Variants in CLDN20 observed in about 807,000 individuals in gnomAD.
CLDN20 encodes claudin-20.
For synonymous variants in CLDN20, 104 were observed against 103.6 expected (o/e 1.00, Z -0.03); for missense variants, 258 against 267.9 (o/e 0.96, Z 0.26).
At chr6:155,268,925 A>C (rs888851180) in intron 1 of CLDN20, among the ~76,000 whole-genome samples, 13 of 149,392 alleles carry the variant, frequency 8.7e-5, no homozygotes, top group African/African-American at 3.2e-4. Context: ...CCTCTGCGAG[A>C]AACACCCAAG....
At chr6:155,267,791 C>G (rs956120133) in intron 1 of CLDN20, among the ~76,000 whole-genome samples, 3 of 152,178 alleles carry the variant, frequency 2.0e-5, no homozygotes, top group Non-Finnish European at 2.9e-5. Context: ...TCAACCTTCA[C>G]ACAGCCAAGA....
At chr6:155,273,693 G>C (rs1028245909) in intron 1 of CLDN20, among the ~76,000 whole-genome samples, 2 of 152,170 alleles carry the variant, frequency 1.3e-5, no homozygotes, top group African/African-American at 4.8e-5. Flanking sequence ...TGTGGTAAAA[G>C]GGGAAAGGAT....
At chr6:155,272,264 C>T (rs879611819) in intron 1 of CLDN20, among the ~76,000 whole-genome samples, 5 of 152,068 alleles carry the variant, frequency 3.3e-5, no homozygotes, top group Non-Finnish European at 5.9e-5. Flanking sequence ...TTATTTAGTT[C>T]GAATTATAAG....
Position 155,276,400 on chromosome 6 carries a change from A to C in CLDN20, c.*21A>C, listed in dbSNP as rs1785221750. ...TGTAAATAACTGAGTAATGCATATG[A>C]AATGGAACTTTTGGGTGCCAAATGG... On this transcript the variant is annotated 3_prime_UTR_variant, in exon 2 of 2. Coordinates refer to ENST00000367165, the MANE Select transcript of CLDN20 (RefSeq NM_001001346.3). 6.3e-7 allele frequency: 1 copy of C among 1,584,282 alleles called. No individual in the cohort carries two copies. The highest frequency in any genetic ancestry group is 8.6e-7 in the Non-Finnish European group (1 of 1,163,194).
chr6:155,270,342 A>G (rs564196136), intron 1 of CLDN20, among the ~76,000 whole-genome samples: 2 of 152,290 alleles, frequency 1.3e-5, no homozygotes, highest in South Asian at 4.2e-4. Flanking sequence ...CATAAGACTT[A>G]CCTAGGAGAG....
At chr6:155,271,339 G>T (rs1347021828) in intron 1 of CLDN20, among the ~76,000 whole-genome samples, 1 of 152,148 alleles carries the variant, frequency 6.6e-6, no homozygotes, top group Non-Finnish European at 1.5e-5. Context: ...CTCAGTATCT[G>T]ATCACAGTCT....
intron 1 of CLDN20, among the ~76,000 whole-genome samples, chr6:155,267,524 C>G (rs1232495740): frequency 6.6e-6 from 1 of 152,164 alleles, no homozygotes; most frequent in Non-Finnish European, 1.5e-5. Context: ...ACTAGAGAAG[C>G]TTTTGGGTGT....
At chr6:155,270,200 G>A (rs1784857341) in intron 1 of CLDN20, among the ~76,000 whole-genome samples, 1 of 152,210 alleles carries the variant, frequency 6.6e-6, no homozygotes, top group Non-Finnish European at 1.5e-5. Flanking sequence ...AGAACAGTTT[G>A]GGAATGGTCA....
intron 1 of CLDN20, among the ~76,000 whole-genome samples, chr6:155,268,813 GA>G (rs1351424162): frequency 2.0e-5 from 3 of 150,752 alleles, no homozygotes; most frequent in African/African-American, 7.4e-5. Context: ...AAACACTGCG[GA>G]AGGCCGCAGG....
chr6:155,265,738 T>A (rs148244014), intron 1 of CLDN20, among the ~76,000 whole-genome samples: 2,489 of 140,556 alleles, frequency 0.018, 60 homozygotes, highest in African/African-American at 0.059. Flanking sequence ...AAATATATAT[T>A]ATATATAATA....
intron 1 of CLDN20, among the ~76,000 whole-genome samples, chr6:155,271,449 A>G (rs1193689681): frequency 1.3e-5 from 2 of 152,246 alleles, no homozygotes; most frequent in African/African-American, 2.4e-5. Context: ...AGCAATAACA[A>G]GAAAACTCAG....
chr6:155,272,734 T>A (rs1196713363), intron 1 of CLDN20, among the ~76,000 whole-genome samples: 2 of 152,140 alleles, frequency 1.3e-5, no homozygotes, highest in Admixed American at 1.3e-4. Context: ...AAAAAAGCAT[T>A]TGAATCCAAT....
At chr6:155,265,916 T>C (rs1375678534) in intron 1 of CLDN20, among the ~76,000 whole-genome samples, 2 of 151,824 alleles carry the variant, frequency 1.3e-5, no homozygotes, top group Non-Finnish European at 2.9e-5. Flanking sequence ...GGGAGTCCAA[T>C]GTTTGAGGAT....
At chr6:155,268,251 A>G (rs1323877400) in intron 1 of CLDN20, among the ~76,000 whole-genome samples, 1 of 152,092 alleles carries the variant, frequency 6.6e-6, no homozygotes, top group Non-Finnish European at 1.5e-5. Flanking sequence ...GTGCTCTTAA[A>G]CCACAAATTC....
intron 1 of CLDN20, among the ~76,000 whole-genome samples, chr6:155,273,655 G>C (rs976633503): frequency 2.0e-5 from 3 of 152,138 alleles, no homozygotes; most frequent in Admixed American, 6.5e-5. Flanking sequence ...AAACACACAG[G>C]GGGAGAAAGA....
intron 1 of CLDN20, among the ~76,000 whole-genome samples, chr6:155,275,150 C>T (rs1198060861): frequency 2.6e-5 from 4 of 151,960 alleles, no homozygotes; most frequent in Admixed American, 1.3e-4. Context: ...GGTGTGAACC[C>T]AGGAGGTGGA....
At chr6:155,269,916 G>A (rs1784844926) in intron 1 of CLDN20, among the ~76,000 whole-genome samples, 1 of 152,224 alleles carries the variant, frequency 6.6e-6, no homozygotes, top group Non-Finnish European at 1.5e-5. Flanking sequence ...TATGTGCCAG[G>A]CACTGATCCT....
rs60162262 is a variant in CLDN20 at position 155,269,324 on chromosome 6, C to CTTTTTTTT, written c.-105+5044_-105+5051dup. 2.4e-3 allele frequency among the ~76,000 whole-genome samples: 311 copies of CTTTTTTTT among 127,120 alleles called. 2 individuals are homozygous for CTTTTTTTT. The highest frequency in any genetic ancestry group is 6.5e-3 in the East Asian group (28 of 4,336). The allele number at this position is 127,120 out of a possible 152,430, so 83.4% of individuals were successfully genotyped here. A position where few individuals can be genotyped will look rare whatever the true frequency, so the allele number is the denominator to read the frequency against. Reference sequence around the variant, plus strand: ...GCTTAGTTTTCTTTTCTTTTCTTTTCTTTTTTTTTTTTTTTGAGATGGAGT... The same window carrying CTTTTTTTT: ...GCTTAGTTTTCTTTTCTTTTCTTTTCTTTTTTTTTTTTTTTTTTTTTTTGAGATGGAGT... On this transcript the variant is annotated intron_variant, in intron 1 of 1. Coordinates refer to ENST00000367165, the MANE Select transcript of CLDN20 (RefSeq NM_001001346.3).
intron 1 of CLDN20, among the ~76,000 whole-genome samples, chr6:155,267,948 T>C (rs1466090156): frequency 6.6e-6 from 1 of 152,250 alleles, no homozygotes; most frequent in Non-Finnish European, 1.5e-5. Context: ...CTGTAATTTG[T>C]CCACTGAAAC....
Sources: allele counts gnomAD v4.1 joint callset (sites outside exome capture counted in the v4.1 genomes callset), GRCh38; gene constraint gnomAD v4.1.1; transcripts MANE v1.5; gene names NCBI Gene and HGNC (gene_info 2026-07-23, HGNC 2026-07-21).